The following CYP7B1 variants were observed in gnomAD, a reference collection of about 807,000 sequenced individuals.
CYP7B1 encodes cytochrome P450 family 7 subfamily B member 1.
CYP7B1 carries 29 observed loss-of-function variants against 42.7 expected under a neutral mutation model. That is an observed-to-expected ratio of 0.68 (90% CI 0.51 to 0.93). CYP7B1 has a LOEUF of 0.93. Ranked by LOEUF, CYP7B1 falls within the 40% of genes least tolerant of loss-of-function variation. The pLI is 0.00. For synonymous variants in CYP7B1, 235 were observed against 218.2 expected, an observed-to-expected ratio of 1.08 and a Z score of -0.68; for missense variants, 655 against 600.5, an observed-to-expected ratio of 1.09 and a Z score of -0.95.
chr8:64,785,357 T>C (rs1804505456), intron 1 of CYP7B1, among the ~76,000 whole-genome samples: 1 of 152,214 alleles, frequency 6.6e-6, no homozygotes, highest in Admixed American at 6.6e-5. Context: ...TGCCCATGCA[T>C]ACTTACCCAA....
Position 64,798,455 on chromosome 8 carries a change from G to A in CYP7B1, c.122+11C>T, listed in dbSNP as rs188892701. On this transcript the variant is annotated intron_variant, in intron 1 of 5. Transcript: ENST00000310193. ...AGGGCGCATGCGTGGCCTGGCGGCC[G>A]AGGCGCTTACCTGGTGCGCCGGACA... 2 of 1,509,490 alleles carry A rather than the reference G, an allele frequency of 1.3e-6. No individual in the cohort carries two copies. Among genetic ancestry groups the A allele is most frequent in the Non-Finnish European group, 1.8e-6 (2 of 1,137,612 alleles). The allele number at this position is 1,509,490 out of a possible 1,614,324, so 93.5% of individuals were successfully genotyped here.
intron 2 of CYP7B1, among the ~76,000 whole-genome samples, chr8:64,622,640 G>C (rs1281747240): frequency 6.6e-6 from 1 of 152,134 alleles, no homozygotes; most frequent in East Asian, 1.9e-4. Flanking sequence ...AAAGTGGAAA[G>C]TAACTAGAGG....
chr8:64,641,109 C>T (rs1805848600), intron 1 of CYP7B1, among the ~76,000 whole-genome samples: 1 of 152,142 alleles, frequency 6.6e-6, no homozygotes, highest in African/African-American at 2.4e-5. Context: ...TTTCCATATT[C>T]AACGCTGGTT....
At chr8:64,640,126 T>C (rs1376830343) in intron 1 of CYP7B1, among the ~76,000 whole-genome samples, 2 of 152,110 alleles carry the variant, frequency 1.3e-5, no homozygotes, top group Non-Finnish European at 2.9e-5. Context: ...CAGCATTCCC[T>C]TGGGGTTGAG....
At chr8:64,763,548 T>C (rs1807922397) in intron 1 of CYP7B1, among the ~76,000 whole-genome samples, 1 of 152,208 alleles carries the variant, frequency 6.6e-6, no homozygotes, top group African/African-American at 2.4e-5. Context: ...TTCCTTAGAA[T>C]TGGAGGAAAA....
chr8:64,697,180 G>C (rs980668384), intron 1 of CYP7B1, among the ~76,000 whole-genome samples: 1 of 152,180 alleles, frequency 6.6e-6, no homozygotes, highest in Non-Finnish European at 1.5e-5. Flanking sequence ...TTGCCTGGCA[G>C]GTTCTGTGTT....
In CYP7B1 at chr8:64,798,478, ACAAG is replaced by A; in HGVS notation, c.106_109del (p.Leu36SerfsTer12). 1.3e-6 allele frequency: 2 copies of A among 1,513,064 alleles called. No individual in the cohort carries two copies. Among genetic ancestry groups the A allele is most frequent in the African/African-American group, 2.9e-5 (2 of 69,972 alleles). 93.7% of individuals were successfully genotyped at this position (1,513,064 alleles called of 1,614,324 possible). ...CCGAGGCGCTTACCTGGTGCGCCGG[ACAAG>A]CAAGCAGAGGGCCAGGAGCAGCAGG... On this transcript the variant is annotated frameshift_variant, in exon 1 of 6. Transcript: ENST00000310193. LOFTEE classifies it high-confidence loss of function.
At chr8:64,691,225 A>C (rs920511298) in intron 1 of CYP7B1, among the ~76,000 whole-genome samples, 24 of 152,166 alleles carry the variant, frequency 1.6e-4, no homozygotes, top group Admixed American at 3.9e-4. Flanking sequence ...CTTATTTATC[A>C]ACAGAAATTC....
intron 1 of CYP7B1, among the ~76,000 whole-genome samples, chr8:64,784,906 T>A: frequency 6.6e-6 from 1 of 152,150 alleles, no homozygotes; most frequent in East Asian, 1.9e-4. Context: ...AATTAAAAAC[T>A]TCTCTTCTGC....
chr8:64,587,594 G>A (rs755032265), downstream of CYP7B1, among the ~76,000 whole-genome samples: 6 of 152,212 alleles, frequency 3.9e-5, no homozygotes, highest in Admixed American at 6.5e-5. Context: ...TCACGCAGCA[G>A]GGAAACTCTG....
intron 1 of CYP7B1, among the ~76,000 whole-genome samples, chr8:64,633,984 C>G (rs1805734074): frequency 6.6e-6 from 1 of 152,084 alleles, no homozygotes; most frequent in African/African-American, 2.4e-5. Context: ...AAAGTAGTTG[C>G]AAAATGCAAA....
chr8:64,638,038 T>C (rs1319891945), intron 1 of CYP7B1, among the ~76,000 whole-genome samples: 1 of 152,194 alleles, frequency 6.6e-6, no homozygotes, highest in Non-Finnish European at 1.5e-5. Flanking sequence ...TACTCTCCGA[T>C]TATACCTTAT....
In CYP7B1 at chr8:64,624,475, G is replaced by A. The variant is rs746979262; in HGVS notation, c.187C>T (p.Arg63Ter). 19 of 1,612,786 alleles carry A rather than the reference G, an allele frequency of 1.2e-5. No homozygotes were observed. Among genetic ancestry groups the A allele is most frequent in the East Asian group, 2.2e-5 (1 of 44,842 alleles). The change falls in exon 2 of 6, where the codon CGA (arginine) becomes TGA (stop). Residue 63 changes from arginine to a stop codon, truncating the protein, a stop_gained. Transcript: ENST00000310193. LOFTEE classifies it high-confidence loss of function. ...LPYLGVVLNL[R>*]KDPLRFMKTL... The stretch of plus-strand genomic sequence containing the variant: ...TTCATGAACCTTAAGGGGTCTTTTC[G>A]TAAGTTCAGGACCACTCCAAGATAA...
At chr8:64,645,598 A>C (rs1394874795) in intron 1 of CYP7B1, among the ~76,000 whole-genome samples, 1 of 152,228 alleles carries the variant, frequency 6.6e-6, no homozygotes, top group Non-Finnish European at 1.5e-5. Context: ...GGAAGAATCA[A>C]TATCGTGAAA....
chr8:64,694,965 C>A lies in CYP7B1; in HGVS notation c.123-70426G>T, dbSNP rs1336010870. On this transcript the variant is annotated intron_variant, in intron 1 of 5. Coordinates refer to ENST00000310193, the MANE Select transcript of CYP7B1 (RefSeq NM_004820.5). Reference sequence around the variant, plus strand: ...GAGTACATGGGTAACGAGAAGTGGGCAATCCAGAAATGAACTGAATCTGAC... The same window carrying A: ...GAGTACATGGGTAACGAGAAGTGGGAAATCCAGAAATGAACTGAATCTGAC... Among the ~76,000 whole-genome samples, 3 of 152,130 alleles carry A rather than the reference C, an allele frequency of 2.0e-5. No homozygotes were observed. The East Asian group carries it at 5.8e-4, about 29-fold the overall frequency.
At chr8:64,677,094 A>T (rs1806457340) in intron 1 of CYP7B1, among the ~76,000 whole-genome samples, 1 of 152,138 alleles carries the variant, frequency 6.6e-6, no homozygotes, top group African/African-American at 2.4e-5. Flanking sequence ...AAATATATTT[A>T]CACGAACAAT....
intron 1 of CYP7B1, among the ~76,000 whole-genome samples, chr8:64,789,684 T>C (rs1804587137): frequency 1.3e-5 from 2 of 152,174 alleles, no homozygotes; most frequent in South Asian, 4.1e-4. Flanking sequence ...CTGCTAAATA[T>C]TCTACTGCAA....
rs111899135 is a variant in CYP7B1, at chr8:64,733,374, G to C, written c.122+65092C>G. Among the ~76,000 whole-genome samples, 17 of 152,322 alleles carry C rather than the reference G, an allele frequency of 1.1e-4. 2 individuals carry two copies. Among genetic ancestry groups the C allele is most frequent in the African/African-American group, 4.1e-4 (17 of 41,576 alleles). On this transcript the variant is annotated intron_variant, in intron 1 of 5. Coordinates refer to ENST00000310193, the MANE Select transcript of CYP7B1 (RefSeq NM_004820.5). ...CTCCAGTGGATACACAGCGGCTTTT[G>C]ATGCCAATGCAGGTAAAACAGGATG...
chr8:64,796,746 G>C (rs934860669), intron 1 of CYP7B1, among the ~76,000 whole-genome samples: 2 of 152,072 alleles, frequency 1.3e-5, no homozygotes, highest in Admixed American at 1.3e-4. Context: ...AAAATGTATT[G>C]CAAAGTGGAA....
Sources: allele counts gnomAD v4.1 joint callset (sites outside exome capture counted in the v4.1 genomes callset), GRCh38; gene constraint gnomAD v4.1.1; transcripts MANE v1.5; gene names NCBI Gene and HGNC (gene_info 2026-07-23, HGNC 2026-07-21).